ROBO1: variants seen among roughly 807,000 people sequenced by gnomAD.
ROBO1 encodes roundabout guidance receptor 1, also known as roundabout homolog 1.
A neutral mutation model predicts 195.9 loss-of-function variants in ROBO1; 149 were observed. That is an observed-to-expected ratio of 0.76 (90% CI 0.67 to 0.87). ROBO1 has a LOEUF of 0.87. ROBO1 is among the 40% of genes least tolerant of loss of function. The pLI is 0.00. For missense variants in ROBO1, 1,933 were observed against 2,068.3 expected (o/e 0.93, Z 1.27); for synonymous variants, 816 against 733.2 (o/e 1.11, Z -1.82).
chr3:79,689,833 G>A (rs1576235704), intron 1 of ROBO1, among the ~76,000 whole-genome samples: 1 of 151,832 alleles, frequency 6.6e-6, no homozygotes, highest in African/African-American at 2.4e-5. Flanking sequence ...TGTCTACACA[G>A]AAATAACAAA....
intron 30 of ROBO1, 131 bp downstream of exon 30, chr3:78,599,981 GC>G: frequency 1.3e-6 from 1 of 762,850 alleles, no homozygotes; most frequent in Non-Finnish European, 2.3e-6. Flanking sequence ...TTCAGTTTCT[GC>G]CATCATAGAC....
intron 2 of ROBO1, among the ~76,000 whole-genome samples, chr3:79,355,313 G>A (rs967515817): frequency 7.2e-5 from 11 of 151,824 alleles, no homozygotes; most frequent in South Asian, 6.3e-4. Flanking sequence ...TGCAATTTAC[G>A]GGGCACGGCA....
intron 2 of ROBO1, among the ~76,000 whole-genome samples, chr3:79,529,506 G>A (rs1201734189): frequency 1.3e-5 from 2 of 152,046 alleles, no homozygotes; most frequent in African/African-American, 2.4e-5. Context: ...ATAAAAAAAA[G>A]AATTCAAGAA....
At chr3:79,537,918 A>G (rs189803594) in intron 2 of ROBO1, among the ~76,000 whole-genome samples, 1 of 152,244 alleles carries the variant, frequency 6.6e-6, no homozygotes, top group African/African-American at 2.4e-5. Flanking sequence ...AAAAAACACA[A>G]AAAAATACAC....
chr3:79,698,235 A>C (rs957238518), intron 1 of ROBO1, among the ~76,000 whole-genome samples: 3 of 151,526 alleles, frequency 2.0e-5, no homozygotes, highest in African/African-American at 7.2e-5. Flanking sequence ...GTACAACTAT[A>C]ACTATTAGTA....
At chr3:78,615,881 A>T (rs1038891995) in intron 27 of ROBO1, among the ~76,000 whole-genome samples, 1 of 152,230 alleles carries the variant, frequency 6.6e-6, no homozygotes, top group Non-Finnish European at 1.5e-5. Flanking sequence ...AAGCACCGTC[A>T]TTCCCTGAAA....
chr3:79,345,359 C>G (rs1425545024), intron 2 of ROBO1, among the ~76,000 whole-genome samples: 2 of 152,130 alleles, frequency 1.3e-5, no homozygotes, highest in Non-Finnish European at 2.9e-5. Context: ...CTGACAGGAG[C>G]AGAAGTGTAG....
intron 8 of ROBO1, chr3:78,693,392 T>TAA (rs775898833): frequency 5.4e-5 from 76 of 1,402,762 alleles, no homozygotes; most frequent in Non-Finnish European, 6.8e-5. Context: ...ATGGAATAAA[T>TAA]AAAAATAAGG....
intron 2 of ROBO1, among the ~76,000 whole-genome samples, chr3:79,371,648 T>C (rs764445053): frequency 1.3e-5 from 2 of 151,938 alleles, no homozygotes; most frequent in Admixed American, 6.6e-5. Flanking sequence ...TATATAAACA[T>C]TGAGGATGAA....
chr3:79,059,827 T>G (rs1186078989), intron 3 of ROBO1, among the ~76,000 whole-genome samples: 1 of 151,986 alleles, frequency 6.6e-6, no homozygotes, highest in Non-Finnish European at 1.5e-5. Context: ...CTGTATAAAT[T>G]TTTGTAAAAC....
intron 2 of ROBO1, among the ~76,000 whole-genome samples, chr3:79,474,738 G>A (rs1045339631): frequency 2.0e-5 from 3 of 152,014 alleles, no homozygotes; most frequent in Non-Finnish European, 4.4e-5. Flanking sequence ...ACTCCTTGAA[G>A]ATTTAGAATA....
intron 3 of ROBO1, among the ~76,000 whole-genome samples, chr3:79,052,324 T>C (rs375321830): frequency 5.9e-5 from 9 of 152,106 alleles, no homozygotes; most frequent in South Asian, 4.2e-4. Context: ...TCCAGCCTGG[T>C]GAAATTTTAG....
intron 2 of ROBO1, among the ~76,000 whole-genome samples, chr3:79,231,839 A>T (rs2082326450): frequency 6.6e-6 from 1 of 152,194 alleles, no homozygotes; most frequent in Non-Finnish European, 1.5e-5. Flanking sequence ...GGTAGACTGG[A>T]TAAAGAAAAT....
chr3:78,908,954 C>T lies in ROBO1; in HGVS notation c.499+29647G>A, dbSNP rs970686445. 2.0e-5 allele frequency among the ~76,000 whole-genome samples: 3 copies of T among 151,642 alleles called. 1 individual carries two copies. In the East Asian group the frequency reaches 5.8e-4, roughly 29 times the overall value. ...TTTTAAAGTTATACTGATAAAAGCA[C>T]TAAAAACAACTAGAATGAATAAAAA... On this transcript the variant is annotated intron_variant, in intron 4 of 30. Transcript: ENST00000464233.
chr3:78,712,017 C>CAAAAAAAAAAAA (rs56267632), intron 8 of ROBO1, among the ~76,000 whole-genome samples: 12 of 76,416 alleles, frequency 1.6e-4, no homozygotes, highest in Non-Finnish European at 2.7e-4. Context: ...AAGACCTTGG[C>CAAAAAAAAAAAA]AAAAAAAAAA....
rs560273535 is a variant in ROBO1, at chr3:78,720,958, G to T, written c.658-3075C>A. Among the ~76,000 whole-genome samples, 108 of 151,164 alleles carry T rather than the reference G, an allele frequency of 7.1e-4. 2 individuals carry two copies. The highest frequency in any genetic ancestry group is 3.4e-3 in the Middle Eastern group (1 of 294). ...GGGACCTGTTGTGGGGTTGGGGGGG[G>T]GGCGGTGGAGGCATAGCATTAGGAG... On this transcript the variant is annotated intron_variant, in intron 5 of 30. Coordinates refer to ENST00000464233, the MANE Select transcript of ROBO1 (RefSeq NM_002941.4).
chr3:78,662,498 C>T (rs1396436234), intron 14 of ROBO1, among the ~76,000 whole-genome samples: 1 of 151,984 alleles, frequency 6.6e-6, no homozygotes, highest in Non-Finnish European at 1.5e-5. Context: ...CCTAACTATG[C>T]AAGACAGAAA....
chr3:79,581,313 A>G (rs1455971752), intron 2 of ROBO1, among the ~76,000 whole-genome samples: 2 of 152,088 alleles, frequency 1.3e-5, no homozygotes, highest in African/African-American at 4.8e-5. Flanking sequence ...GTTTGCTGCA[A>G]TGCATTCTGA....
intron 4 of ROBO1, among the ~76,000 whole-genome samples, chr3:78,887,632 G>T (rs2036643031): frequency 6.6e-6 from 1 of 152,146 alleles, no homozygotes; most frequent in Non-Finnish European, 1.5e-5. Flanking sequence ...GAGGAGTGAA[G>T]AGTTGCAAAA....
Sources: gnomAD v4.1 joint callset for allele counts (sites outside exome capture counted in the v4.1 genomes callset) on GRCh38, gnomAD v4.1.1 for gene constraint, MANE v1.5 for transcripts, NCBI Gene and HGNC (gene_info 2026-07-23, HGNC 2026-07-21) for gene names.